Variants in SORCS3 observed in about 807,000 individuals in gnomAD.
SORCS3 encodes the protein sortilin related VPS10 domain containing receptor 3, also known as VPS10 domain-containing receptor SorCS3.
A neutral mutation model predicts 146.3 loss-of-function variants in SORCS3; 57 were observed. The ratio of observed to expected loss-of-function variants is 0.39; its 90% confidence interval spans 0.31 to 0.49. The LOEUF (loss-of-function observed/expected upper bound fraction) is 0.49, where lower values mean the gene tolerates loss of function less well. Ranked by LOEUF, SORCS3 falls within the 20% of genes least tolerant of loss-of-function variation. The pLI is 0.92. For missense variants in SORCS3, 1,341 were observed against 1,575.5 expected (o/e 0.85, Z 2.52); for synonymous variants, 653 against 618.5 (o/e 1.06, Z -0.83).
intron 3 of SORCS3, among the ~76,000 whole-genome samples, chr10:104,942,308 G>A (rs186207769): frequency 2.6e-5 from 4 of 152,192 alleles, no homozygotes; most frequent in Admixed American, 6.5e-5. Flanking sequence ...GAAAGGAATC[G>A]TAATTAAATG....
intron 14 of SORCS3, among the ~76,000 whole-genome samples, chr10:105,199,320 T>C (rs1421332397): frequency 1.3e-5 from 2 of 152,146 alleles, no homozygotes; most frequent in Non-Finnish European, 2.9e-5. Flanking sequence ...GTATTGATTA[T>C]CTAAGTCACA....
intron 4 of SORCS3, among the ~76,000 whole-genome samples, chr10:105,009,544 A>C (rs199770307): frequency 0.36 from 53,666 of 148,590 alleles, 10,886 homozygotes; most frequent in African/African-American, 0.55. Context: ...AAAAAAAAAA[A>C]AAAAAAACCC....
rs144570563 is a variant in SORCS3, at chr10:105,137,447, C to T, written c.1213-1950C>T. On this transcript the variant is annotated intron_variant, in intron 7 of 26. Transcript: ENST00000369701. ...ACACTGTGAATGTACTAAAAGACAC[C>T]GAATTGTACAGTTTAAAATTATTAG... Among the ~76,000 whole-genome samples, 22 of 151,828 alleles carry T rather than the reference C, an allele frequency of 1.4e-4. No homozygotes were observed. The East Asian group carries it at 1.9e-3, about 13-fold the overall frequency.
At chr10:105,240,909 TATATACACACAC>T (rs1207597020) in intron 20 of SORCS3, among the ~76,000 whole-genome samples, 3 of 145,522 alleles carry the variant, frequency 2.1e-5, no homozygotes, top group Non-Finnish European at 3.0e-5. Flanking sequence ...CCATACTGAT[TATATACACACAC>T]ATATACACAC....
intron 19 of SORCS3, among the ~76,000 whole-genome samples, chr10:105,220,667 G>A (rs571176674): frequency 6.6e-6 from 1 of 152,088 alleles, no homozygotes; most frequent in Non-Finnish European, 1.5e-5. Context: ...ATTTGAATCT[G>A]GGCATGGAGA....
At position 104,844,382 on chromosome 10, in the gene SORCS3, G is replaced by A. The variant is rs147921384; in HGVS notation, c.695+1523G>A. 2.5e-3 allele frequency among the ~76,000 whole-genome samples: 384 copies of A among 152,220 alleles called. 2 individuals are homozygous for A. The highest frequency in any genetic ancestry group is 8.8e-3 in the African/African-American group (365 of 41,542). On this transcript the variant is annotated intron_variant, in intron 2 of 26. Transcript: ENST00000369701. ...AATTCTATCTTTATATTGAAGAACA[G>A]CTATTCCTGCTACTCCATGTTGCAG...
chr10:105,147,555 C>A, intron 8 of SORCS3, 62 bp from the exon 9 acceptor site: 2 of 1,410,630 alleles, frequency 1.4e-6, no homozygotes, highest in South Asian at 1.4e-5. Context: ...AATTACTTGG[C>A]ATCCCAATGG....
chr10:105,025,055 C>T (rs907899353), intron 4 of SORCS3, among the ~76,000 whole-genome samples: 1 of 152,324 alleles, frequency 6.6e-6, no homozygotes, highest in Admixed American at 6.5e-5. Context: ...TCCATTTCAT[C>T]TCTGCCGGTG....
chr10:104,926,639 C>T (rs527375586), intron 3 of SORCS3, among the ~76,000 whole-genome samples: 43 of 152,314 alleles, frequency 2.8e-4, no homozygotes, highest in Non-Finnish European at 1.5e-4. Context: ...CATCTGCCTT[C>T]GCAAGTGTGA....
chr10:104,838,655 A>C (rs191156118), intron 1 of SORCS3, among the ~76,000 whole-genome samples: 53 of 152,262 alleles, frequency 3.5e-4, no homozygotes, highest in Middle Eastern at 3.4e-3. Context: ...CTTTATTTGT[A>C]AGGTTAAATT....
At position 104,860,183 on chromosome 10, in the gene SORCS3, T is replaced by G. The variant is rs1475344808; in HGVS notation, c.695+17324T>G. 4.1e-3 allele frequency among the ~76,000 whole-genome samples: 476 copies of G among 115,342 alleles called. 6 individuals carry two copies. Among genetic ancestry groups the G allele is most frequent in the African/African-American group, 9.5e-3 (303 of 31,928 alleles). The allele number at this position is 115,342 out of a possible 152,430, so 75.7% of individuals were successfully genotyped here. ...TGGAACCAACCCAAATGTCCAACAG[T>G]GATAGACTGGATTAAGAAAATGTGG... On this transcript the variant is annotated intron_variant, in intron 2 of 26. Transcript: ENST00000369701.
chr10:105,189,359 A>C (rs1358313847), intron 14 of SORCS3, among the ~76,000 whole-genome samples: 2 of 152,168 alleles, frequency 1.3e-5, no homozygotes, highest in East Asian at 3.9e-4. Flanking sequence ...AAGTGAGAGG[A>C]AAGGCTGTGC....
chr10:105,152,558 C>A (rs1037239517), intron 9 of SORCS3, among the ~76,000 whole-genome samples: 3 of 151,850 alleles, frequency 2.0e-5, no homozygotes, highest in Non-Finnish European at 2.9e-5. Flanking sequence ...CATAAATTTA[C>A]AGTAAAAAAA....
At chr10:105,203,513 GTC>G (rs1395442931) in intron 16 of SORCS3, among the ~76,000 whole-genome samples, 6 of 152,058 alleles carry the variant, frequency 3.9e-5, no homozygotes, top group Non-Finnish European at 7.4e-5. Flanking sequence ...ATTCTCCTGT[GTC>G]TCTGTGTGCC....
chr10:105,077,700 T>A (rs898207214), intron 5 of SORCS3, among the ~76,000 whole-genome samples: 3 of 152,182 alleles, frequency 2.0e-5, no homozygotes, highest in Non-Finnish European at 2.9e-5. Context: ...AAGACCAGCT[T>A]AAGATATCCA....
chr10:105,215,724 G>C (rs1467021823), intron 18 of SORCS3, among the ~76,000 whole-genome samples: 1 of 151,920 alleles, frequency 6.6e-6, no homozygotes, highest in East Asian at 1.9e-4. Flanking sequence ...GACATTGTGT[G>C]GGGGGCAAGA....
intron 1 of SORCS3, among the ~76,000 whole-genome samples, chr10:104,818,454 A>T (rs1277079612): frequency 6.9e-6 from 1 of 144,730 alleles, no homozygotes; most frequent in Non-Finnish European, 1.5e-5. Flanking sequence ...GAATCTTAAG[A>T]GGTGGGGAGG....
At chr10:104,677,857 AAG>A (rs138750895) in intron 1 of SORCS3, among the ~76,000 whole-genome samples, 62 of 149,558 alleles carry the variant, frequency 4.1e-4, no homozygotes, top group Admixed American at 5.3e-4. Context: ...ATAGGGGGTG[AAG>A]AGAGAGAGAG....
chr10:104,687,306 T>C (rs1222203842), intron 1 of SORCS3, among the ~76,000 whole-genome samples: 3 of 152,164 alleles, frequency 2.0e-5, no homozygotes, highest in African/African-American at 7.2e-5. Flanking sequence ...CTGCCTAATA[T>C]ACTTTGATGC....
Sources: allele counts gnomAD v4.1 joint callset (sites outside exome capture counted in the v4.1 genomes callset), GRCh38; gene constraint gnomAD v4.1.1; transcripts MANE v1.5; gene names NCBI Gene and HGNC (gene_info 2026-07-23, HGNC 2026-07-21).